WWOX: variants seen among roughly 807,000 people sequenced by gnomAD.
WWOX encodes WW domain containing oxidoreductase.
WWOX carries 69 observed loss-of-function variants against 46.2 expected under a neutral mutation model. The ratio of observed to expected loss-of-function variants is 1.49; its 90% CI spans 1.23 to 1.82. WWOX has a LOEUF of 1.82. WWOX is among the 40% of genes most tolerant of loss of function. The pLI is 0.00. For missense variants in WWOX, 919 were observed against 542.6 expected (o/e 1.69, Z -6.89); for synonymous variants, 359 against 202.6 (o/e 1.77, Z -6.56).
chr16:79,021,706 T>A (rs1228813521), intron 8 of WWOX, among the ~76,000 whole-genome samples: 1 of 152,220 alleles, frequency 6.6e-6, no homozygotes, highest in African/African-American at 2.4e-5. Context: ...ACAGTAATGC[T>A]AAACTCCAGT....
At chr16:78,440,984 C>G (rs1167895044) in intron 8 of WWOX, among the ~76,000 whole-genome samples, 3 of 152,190 alleles carry the variant, frequency 2.0e-5, no homozygotes, top group Non-Finnish European at 4.4e-5. Context: ...GCTCTGTCAC[C>G]TAGGCTGGAA....
At chr16:78,758,744 A>G (rs777918880) in intron 8 of WWOX, among the ~76,000 whole-genome samples, 1 of 152,098 alleles carries the variant, frequency 6.6e-6, no homozygotes, top group Non-Finnish European at 1.5e-5. Context: ...TTAAAAATTT[A>G]TACTCACTGG....
At chr16:78,879,376 G>T (rs185017376) in intron 8 of WWOX, among the ~76,000 whole-genome samples, 1 of 152,112 alleles carries the variant, frequency 6.6e-6, no homozygotes, top group Non-Finnish European at 1.5e-5. Context: ...TGTTTCAAAT[G>T]TCTTATTTCA....
At chr16:78,367,161 A>T (rs2081554372) in intron 5 of WWOX, among the ~76,000 whole-genome samples, 1 of 151,764 alleles carries the variant, frequency 6.6e-6, no homozygotes, top group Non-Finnish European at 1.5e-5. Flanking sequence ...TTATATTTTT[A>T]GTAGAGACAG....
intron 8 of WWOX, among the ~76,000 whole-genome samples, chr16:78,574,667 G>T (rs1261056531): frequency 6.6e-6 from 1 of 151,388 alleles, no homozygotes; most frequent in Non-Finnish European, 1.5e-5. Context: ...TGAACCTGAA[G>T]GACATTATGT....
intron 8 of WWOX, among the ~76,000 whole-genome samples, chr16:78,570,387 C>G (rs2044685561): frequency 6.6e-6 from 1 of 152,204 alleles, no homozygotes; most frequent in Non-Finnish European, 1.5e-5. Flanking sequence ...TAACTCACTG[C>G]AGCCTCGGTC....
chr16:78,565,585 C>G (rs529064204), intron 8 of WWOX, among the ~76,000 whole-genome samples: 62 of 152,330 alleles, frequency 4.1e-4, no homozygotes, highest in African/African-American at 1.4e-3. Flanking sequence ...GATAATCACT[C>G]CATCTCAGGG....
chr16:78,842,581 G>A (rs557560778), intron 8 of WWOX, among the ~76,000 whole-genome samples: 37 of 152,172 alleles, frequency 2.4e-4, no homozygotes, highest in Admixed American at 4.6e-4. Context: ...AATACAAGAG[G>A]AGTTGGGCAT....
At chr16:78,763,512 C>A (rs529326740) in intron 8 of WWOX, among the ~76,000 whole-genome samples, 1 of 152,120 alleles carries the variant, frequency 6.6e-6, no homozygotes, top group African/African-American at 2.4e-5. Flanking sequence ...AACATGAATG[C>A]AATTTTTTAC....
chr16:78,838,048 G>C (rs1390398711), intron 8 of WWOX, among the ~76,000 whole-genome samples: 1 of 152,132 alleles, frequency 6.6e-6, no homozygotes, highest in African/African-American at 2.4e-5. Context: ...CACAGTTAGA[G>C]GCCAGGAACC....
chr16:78,845,373 C>G (rs948438620), intron 8 of WWOX, among the ~76,000 whole-genome samples: 3 of 152,142 alleles, frequency 2.0e-5, no homozygotes, highest in Non-Finnish European at 4.4e-5. Flanking sequence ...GCCATTCTGA[C>G]ATGAATATCA....
intron 8 of WWOX, among the ~76,000 whole-genome samples, chr16:78,477,875 T>G (rs1022747923): frequency 5.3e-5 from 8 of 152,166 alleles, no homozygotes; most frequent in African/African-American, 1.9e-4. Flanking sequence ...ATTTATAATA[T>G]TAGTGGGAGG....
At chr16:78,617,777 C>A (rs190195336) in intron 8 of WWOX, among the ~76,000 whole-genome samples, 4 of 152,164 alleles carry the variant, frequency 2.6e-5, no homozygotes, top group Non-Finnish European at 5.9e-5. Context: ...TGGCCCTATC[C>A]ACATGTTGCC....
At chr16:78,267,148 C>T (rs894348751) in intron 5 of WWOX, 10 of 153,384 alleles carry the variant, frequency 6.5e-5, no homozygotes, top group African/African-American at 2.4e-4. Flanking sequence ...CCAATTAAAT[C>T]TCTTTTTCTT....
chr16:79,120,683 C>CTGG (rs2049611522), intron 8 of WWOX, among the ~76,000 whole-genome samples: 1 of 152,212 alleles, frequency 6.6e-6, no homozygotes, highest in Non-Finnish European at 1.5e-5. Context: ...CATTCCTTAA[C>CTGG]TGGTGGTCAC....
chr16:78,359,894 TG>T (rs1323524513), intron 5 of WWOX, among the ~76,000 whole-genome samples: 1 of 152,238 alleles, frequency 6.6e-6, no homozygotes, highest in African/African-American at 2.4e-5. Flanking sequence ...GAATGAATTT[TG>T]TGACTTGGAA....
intron 8 of WWOX, among the ~76,000 whole-genome samples, chr16:78,504,812 A>C (rs1169707065): frequency 6.6e-6 from 1 of 151,974 alleles, no homozygotes; most frequent in East Asian, 1.9e-4. Context: ...ATCCGTGCTC[A>C]GGGCTCTCTG....
chr16:78,864,939 T>G (rs998164288), intron 8 of WWOX, among the ~76,000 whole-genome samples: 9 of 151,650 alleles, frequency 5.9e-5, no homozygotes, highest in African/African-American at 2.2e-4. Context: ...ATTTTTGTAT[T>G]TTTAGTAGAG....
intron 8 of WWOX, among the ~76,000 whole-genome samples, chr16:78,580,408 A>G (rs79768631): frequency 3.4e-4 from 52 of 152,262 alleles, no homozygotes; most frequent in Admixed American, 2.7e-3. Context: ...CTGAGCACCA[A>G]TTACAGATTG....
Sources: allele counts gnomAD v4.1 joint callset (sites outside exome capture counted in the v4.1 genomes callset), GRCh38; gene constraint gnomAD v4.1.1; transcripts MANE v1.5; gene names NCBI Gene and HGNC (gene_info 2026-07-23, HGNC 2026-07-21).